The following TAFA1 variants were observed in gnomAD, a reference collection of about 807,000 sequenced individuals.
TAFA1 encodes chemokine-like protein TAFA-1.
TAFA1 carries 4 observed loss-of-function variants against 18.5 expected under a neutral mutation model. The observed-to-expected ratio is 0.22, with a 90% confidence interval of 0.11 to 0.49. The LOEUF is 0.49. Ranked by LOEUF, TAFA1 falls within the 20% of genes least tolerant of loss-of-function variation. The pLI is 0.98. For synonymous variants in TAFA1, 56 were observed against 55.2 expected, an observed-to-expected ratio of 1.01 and a Z score of -0.06; for missense variants, 147 against 169.0, an observed-to-expected ratio of 0.87 and a Z score of 0.72.
chr3:68,519,939 G>A (rs1265857606), intron 3 of TAFA1, among the ~76,000 whole-genome samples: 3 of 152,140 alleles, frequency 2.0e-5, no homozygotes, highest in Non-Finnish European at 4.4e-5. Flanking sequence ...GAATTGAGGG[G>A]GAATGTTGTT....
chr3:68,544,270 T>C (rs1475415168), intron 4 of TAFA1, among the ~76,000 whole-genome samples: 1 of 152,130 alleles, frequency 6.6e-6, no homozygotes, highest in African/African-American at 2.4e-5. Flanking sequence ...ACATCATTAA[T>C]TTATTGCATT....
At chr3:68,039,899 G>A (rs541717326) in intron 2 of TAFA1, among the ~76,000 whole-genome samples, 21 of 152,220 alleles carry the variant, frequency 1.4e-4, no homozygotes, top group African/African-American at 4.1e-4. Flanking sequence ...GTATTAACCC[G>A]CCAACTCCAG....
At chr3:68,010,800 G>T (rs1704455998) in intron 2 of TAFA1, among the ~76,000 whole-genome samples, 1 of 152,074 alleles carries the variant, frequency 6.6e-6, no homozygotes, top group Non-Finnish European at 1.5e-5. Context: ...TTTTATTTGG[G>T]GAATGATGTA....
chr3:68,280,464 A>C (rs1234035438), intron 2 of TAFA1, among the ~76,000 whole-genome samples: 1 of 152,176 alleles, frequency 6.6e-6, no homozygotes, highest in Non-Finnish European at 1.5e-5. Context: ...TGGTAAGTGA[A>C]TTAGGAAAAT....
At chr3:68,491,054 G>C (rs532103354) in intron 3 of TAFA1, among the ~76,000 whole-genome samples, 2 of 151,914 alleles carry the variant, frequency 1.3e-5, no homozygotes, top group South Asian at 4.2e-4. Flanking sequence ...GCCCAGGCTG[G>C]TCTTAAACTC....
At chr3:68,255,547 T>C (rs533778943) in intron 2 of TAFA1, among the ~76,000 whole-genome samples, 54 of 152,142 alleles carry the variant, frequency 3.5e-4, no homozygotes, top group Non-Finnish European at 3.8e-4. Flanking sequence ...ACTTTATTTC[T>C]GGGATTTGGA....
intron 3 of TAFA1, among the ~76,000 whole-genome samples, chr3:68,456,943 C>G (rs1575883942): frequency 6.6e-6 from 1 of 152,270 alleles, no homozygotes; most frequent in African/African-American, 2.4e-5. Flanking sequence ...CTAGTGGCAC[C>G]TCGTATGGGT....
At chr3:68,430,590 C>G (rs1272509372) in intron 3 of TAFA1, among the ~76,000 whole-genome samples, 1 of 151,854 alleles carries the variant, frequency 6.6e-6, no homozygotes, top group Non-Finnish European at 1.5e-5. Flanking sequence ...ATTGAGAGCC[C>G]TCTATAGAGA....
At position 68,305,426 on chromosome 3, in the gene TAFA1, T is replaced by C. The variant is rs1200908120; in HGVS notation, c.119-111854T>C. On this transcript the variant is annotated intron_variant, in intron 2 of 4. Transcript: ENST00000478136. ...CTATATGACTATATATATATATATA[T>C]ATATATATATATATATATATATATA... is the stretch of plus-strand genomic sequence containing the variant. Among the ~76,000 whole-genome samples the C allele has an allele frequency of 3.2e-5, 3 of 93,746 alleles. No individual in the cohort carries two copies. The South Asian group carries it at 1.1e-3, about 35-fold the overall frequency. The allele number at this position is 93,746 out of a possible 152,430, so 61.5% of individuals were successfully genotyped here.
At chr3:68,476,621 T>C (rs2072101692) in intron 3 of TAFA1, among the ~76,000 whole-genome samples, 1 of 152,210 alleles carries the variant, frequency 6.6e-6, no homozygotes, top group South Asian at 2.1e-4. Flanking sequence ...TAGATATCTA[T>C]TTCTTATTCA....
intron 2 of TAFA1, among the ~76,000 whole-genome samples, chr3:68,076,646 T>G (rs2064829023): frequency 6.6e-6 from 1 of 152,296 alleles, no homozygotes; most frequent in South Asian, 2.1e-4. Context: ...CTCATCATTT[T>G]TTATGGCTGT....
At chr3:68,502,392 A>C in intron 3 of TAFA1, among the ~76,000 whole-genome samples, 1 of 152,168 alleles carries the variant, frequency 6.6e-6, no homozygotes, top group East Asian at 1.9e-4. Flanking sequence ...GTTACTTATG[A>C]AACCTCAGCT....
chr3:68,498,211 T>G (rs886862212), intron 3 of TAFA1, among the ~76,000 whole-genome samples: 9 of 152,180 alleles, frequency 5.9e-5, no homozygotes, highest in Non-Finnish European at 8.8e-5. Context: ...CTCATGAAGT[T>G]GCAATGAGGA....
chr3:68,302,086 T>A (rs1039877269), intron 2 of TAFA1, among the ~76,000 whole-genome samples: 9 of 152,228 alleles, frequency 5.9e-5, no homozygotes, highest in African/African-American at 2.2e-4. Context: ...TTTGATAAAA[T>A]GATCACTACA....
At chr3:68,373,188 A>G (rs1448414151) in intron 2 of TAFA1, among the ~76,000 whole-genome samples, 2 of 152,250 alleles carry the variant, frequency 1.3e-5, no homozygotes, top group East Asian at 3.8e-4. Flanking sequence ...TAATAAAGGA[A>G]TTAAATCCAA....
intron 2 of TAFA1, among the ~76,000 whole-genome samples, chr3:68,085,347 A>T (rs1183759124): frequency 6.6e-6 from 1 of 152,218 alleles, no homozygotes; most frequent in Non-Finnish European, 1.5e-5. Flanking sequence ...ACCCCTAAAC[A>T]TACAGAGTAT....
intron 2 of TAFA1, among the ~76,000 whole-genome samples, chr3:68,399,736 C>T (rs1437856362): frequency 6.6e-6 from 1 of 152,144 alleles, no homozygotes; most frequent in Non-Finnish European, 1.5e-5. Flanking sequence ...TTTTATTATT[C>T]AGTCCTCATA....
intron 2 of TAFA1, among the ~76,000 whole-genome samples, chr3:68,292,784 C>G (rs1213491400): frequency 1.3e-5 from 2 of 152,190 alleles, no homozygotes; most frequent in African/African-American, 4.8e-5. Flanking sequence ...TTCCAAGGAT[C>G]CTCCTGTCTT....
At chr3:68,457,553 T>C (rs1027700287) in intron 3 of TAFA1, among the ~76,000 whole-genome samples, 2 of 152,174 alleles carry the variant, frequency 1.3e-5, no homozygotes, top group Admixed American at 1.3e-4. Flanking sequence ...CAACTGTATA[T>C]CAACTACAAC....
Sources: allele counts gnomAD v4.1 joint callset (sites outside exome capture counted in the v4.1 genomes callset), GRCh38; gene constraint gnomAD v4.1.1; transcripts MANE v1.5; gene names NCBI Gene and HGNC (gene_info 2026-07-23, HGNC 2026-07-21).